Variants in NBAS observed in about 807,000 individuals in gnomAD.
The protein encoded by NBAS is NBAS subunit of NRZ tethering complex.
In NBAS, 219 loss-of-function variants were observed where a neutral mutation model predicts 302.5. That is an observed-to-expected ratio of 0.72 (90% CI 0.65 to 0.81). The LOEUF (loss-of-function observed/expected upper bound fraction) is 0.81. Ranked by LOEUF, NBAS falls within the 30% of genes least tolerant of loss-of-function variation. The pLI is 0.00. For missense variants in NBAS, 2,932 were observed against 2,841.6 expected, an observed-to-expected ratio of 1.03 and a Z score of -0.72; for synonymous variants, 1,118 against 1,021.6, an observed-to-expected ratio of 1.09 and a Z score of -1.80.
intron 38 of NBAS, among the ~76,000 whole-genome samples, chr2:15,314,319 C>G (rs909517223): frequency 3.3e-5 from 5 of 152,134 alleles, no homozygotes; most frequent in Non-Finnish European, 7.4e-5. Flanking sequence ...CAAGATCACA[C>G]CGCTGCACTC....
the NBAS span, among the ~76,000 whole-genome samples, chr2:14,915,934 C>G: frequency 6.6e-6 from 1 of 152,240 alleles, no homozygotes; most frequent in South Asian, 2.1e-4. Flanking sequence ...TAAGATGTGA[C>G]TTGGTTCTCC....
the NBAS span, among the ~76,000 whole-genome samples, chr2:15,129,259 C>G: frequency 6.6e-6 from 1 of 152,200 alleles, no homozygotes; most frequent in Non-Finnish European, 1.5e-5. Context: ...TGCACATGGC[C>G]TTGTCGGGTT....
At chr2:14,849,257 G>C in the NBAS span, among the ~76,000 whole-genome samples, 6 of 151,832 alleles carry the variant, frequency 4.0e-5, no homozygotes, top group Admixed American at 6.6e-5. Flanking sequence ...GAAAACCAAG[G>C]CTCGAGAACT....
the NBAS span, among the ~76,000 whole-genome samples, chr2:15,013,914 G>A: frequency 6.6e-6 from 1 of 151,966 alleles, no homozygotes; most frequent in Non-Finnish European, 1.5e-5. Context: ...CACATCACCA[G>A]TGATGTGTGA....
the NBAS span, among the ~76,000 whole-genome samples, chr2:14,897,988 G>A: frequency 4.7e-4 from 72 of 152,230 alleles, 1 homozygote; most frequent in South Asian, 1.7e-3. Flanking sequence ...ATGCTGAGGA[G>A]GGTCCCAGTG....
the NBAS span, among the ~76,000 whole-genome samples, chr2:15,046,754 G>A: frequency 6.6e-6 from 1 of 152,160 alleles, no homozygotes; most frequent in Non-Finnish European, 1.5e-5. Flanking sequence ...CTAGAGTCTG[G>A]AACCTGGTGA....
downstream of NBAS, among the ~76,000 whole-genome samples, chr2:15,164,973 A>C (rs1161873019): frequency 6.6e-6 from 1 of 152,136 alleles, no homozygotes; most frequent in Admixed American, 6.6e-5. Context: ...TGGAATGTGG[A>C]GCCCCTCAAT....
chr2:14,842,371 C>T, the NBAS span, among the ~76,000 whole-genome samples: 1 of 151,606 alleles, frequency 6.6e-6, no homozygotes, highest in Non-Finnish European at 1.5e-5. Flanking sequence ...AGAAGTTTAA[C>T]AAAATGAAAA....
At chr2:15,372,521 C>A (rs1674536470) in intron 31 of NBAS, among the ~76,000 whole-genome samples, 1 of 152,124 alleles carries the variant, frequency 6.6e-6, no homozygotes, top group African/African-American at 2.4e-5. Context: ...TAGTTGTTTT[C>A]TTTCTCCAAT....
chr2:14,874,347 C>A, the NBAS span, among the ~76,000 whole-genome samples: 2 of 151,930 alleles, frequency 1.3e-5, no homozygotes, highest in South Asian at 4.1e-4. Context: ...TTACAAGAGG[C>A]TGGGCACGGT....
At chr2:14,883,980 T>C in the NBAS span, among the ~76,000 whole-genome samples, 2 of 149,482 alleles carry the variant, frequency 1.3e-5, no homozygotes, top group Non-Finnish European at 3.0e-5. Context: ...TCAAAAAAAA[T>C]AAAATAAAAT....
At chr2:15,366,489 C>T (rs763529516) in intron 32 of NBAS, 91 bp downstream of exon 32, 107 of 1,247,798 alleles carry the variant, frequency 8.6e-5, no homozygotes, top group Non-Finnish European at 1.2e-4. Context: ...GTTCTTCTGA[C>T]GCTGTAAGCA....
chr2:14,876,023 T>A, the NBAS span, among the ~76,000 whole-genome samples: 28 of 152,358 alleles, frequency 1.8e-4, 1 homozygote, highest in South Asian at 3.1e-3. Context: ...CAGGTAAATT[T>A]AATGGGGATG....
the NBAS span, among the ~76,000 whole-genome samples, chr2:15,081,449 A>AT: frequency 2.0e-5 from 3 of 152,114 alleles, no homozygotes; most frequent in Non-Finnish European, 4.4e-5. Context: ...ATACTTATAC[A>AT]TTTACTTACT....
At chr2:14,781,379 A>G in the NBAS span, among the ~76,000 whole-genome samples, 1 of 152,122 alleles carries the variant, frequency 6.6e-6, no homozygotes, top group Non-Finnish European at 1.5e-5. Flanking sequence ...TCTTTTAATG[A>G]CGGTTTTATG....
the NBAS span, among the ~76,000 whole-genome samples, chr2:14,982,474 A>G: frequency 6.6e-6 from 1 of 152,208 alleles, no homozygotes; most frequent in African/African-American, 2.4e-5. Context: ...AGTCCAGGAA[A>G]AAAGAACAAA....
At chr2:15,171,421 G>A (rs1664284932) in intron 51 of NBAS, among the ~76,000 whole-genome samples, 1 of 152,078 alleles carries the variant, frequency 6.6e-6, no homozygotes, top group Non-Finnish European at 1.5e-5. Context: ...CTCATTATAT[G>A]CTAAGAATTT....
chr2:15,058,725 T>G, the NBAS span, among the ~76,000 whole-genome samples: 1 of 152,204 alleles, frequency 6.6e-6, no homozygotes, highest in African/African-American at 2.4e-5. Context: ...AATTTAATTT[T>G]GGTTCTATTG....
chr2:15,310,420 A>T (rs1671222322), intron 38 of NBAS, among the ~76,000 whole-genome samples: 1 of 152,216 alleles, frequency 6.6e-6, no homozygotes, highest in Non-Finnish European at 1.5e-5. Flanking sequence ...GGAATCATAC[A>T]GTTTTAGAGA....
Sources: allele counts gnomAD v4.1 joint callset (sites outside exome capture counted in the v4.1 genomes callset), GRCh38; gene constraint gnomAD v4.1.1; transcripts MANE v1.5; gene names NCBI Gene and HGNC (gene_info 2026-07-23, HGNC 2026-07-21).